Variants in SPOCK3 observed in about 807,000 individuals in gnomAD.
SPOCK3 encodes the protein testican-3.
Under a neutral mutation model 56.6 loss-of-function variants are expected in SPOCK3, and 30 were observed. The ratio of observed to expected loss-of-function variants is 0.53; its 90% CI spans 0.40 to 0.72. The LOEUF is 0.72. SPOCK3 is among the 30% of genes least tolerant of loss of function. The pLI is 0.00. For synonymous variants in SPOCK3, 196 were observed against 183.3 expected (o/e 1.07, Z -0.56); for missense variants, 527 against 530.0 (o/e 0.99, Z 0.06).
At chr4:166,974,935 G>T (rs1346378) in intron 4 of SPOCK3, among the ~76,000 whole-genome samples, 98,968 of 152,046 alleles carry the variant, frequency 0.65, 34,005 homozygotes, top group East Asian at 0.85. Context: ...TGAGGACTCT[G>T]CCCTCATAAA....
intron 3 of SPOCK3, among the ~76,000 whole-genome samples, chr4:167,002,834 T>C (rs531153375): frequency 6.6e-6 from 1 of 152,320 alleles, no homozygotes; most frequent in East Asian, 1.9e-4. Flanking sequence ...TTCTAATGTT[T>C]AGCCTATGTT....
intron 7 of SPOCK3, among the ~76,000 whole-genome samples, chr4:166,784,887 C>G (rs1276841510): frequency 6.6e-6 from 1 of 152,022 alleles, no homozygotes; most frequent in Non-Finnish European, 1.5e-5. Flanking sequence ...GCATATGATG[C>G]TAATGTCCTG....
intron 3 of SPOCK3, among the ~76,000 whole-genome samples, chr4:167,017,013 A>G (rs180882106): frequency 1.3e-5 from 2 of 152,244 alleles, no homozygotes; most frequent in Admixed American, 1.3e-4. Context: ...TAAAGACAAG[A>G]TTTGAAACAT....
chr4:166,911,080 G>T (rs1291884261), intron 5 of SPOCK3, among the ~76,000 whole-genome samples: 4 of 152,044 alleles, frequency 2.6e-5, no homozygotes, highest in African/African-American at 4.8e-5. Flanking sequence ...CAAAGCCAAG[G>T]CCCTACCTAT....
At chr4:166,780,310 G>C (rs1003106606) in intron 7 of SPOCK3, among the ~76,000 whole-genome samples, 1 of 152,104 alleles carries the variant, frequency 6.6e-6, no homozygotes, top group Non-Finnish European at 1.5e-5. Flanking sequence ...TAAAGGCTGA[G>C]TGTAGGCTAA....
chr4:166,943,784 C>A (rs1456837742), intron 4 of SPOCK3, among the ~76,000 whole-genome samples: 2 of 152,116 alleles, frequency 1.3e-5, no homozygotes, highest in South Asian at 2.1e-4. Flanking sequence ...TTAGATGTAA[C>A]TCTTCCACAT....
chr4:166,908,578 C>T (rs935148444), intron 5 of SPOCK3, among the ~76,000 whole-genome samples: 6 of 150,504 alleles, frequency 4.0e-5, no homozygotes, highest in African/African-American at 1.5e-4. Flanking sequence ...ATGAACAATA[C>T]TAATTTCTAA....
chr4:166,754,908 C>A lies in SPOCK3; in HGVS notation c.710-179G>T, dbSNP rs1736876428. Among the ~76,000 whole-genome samples the A allele has an allele frequency of 2.6e-5, 4 of 152,006 alleles. No homozygotes were observed. In the South Asian group the frequency reaches 8.3e-4, roughly 31 times the overall value. On this transcript the variant is annotated intron_variant, in intron 7 of 10. Coordinates refer to ENST00000357545, the MANE Select transcript of SPOCK3 (RefSeq NM_001040159.2). Reference sequence around the variant, plus strand: ...ATTGAAGTGGATATAGTAGTATCTACATTTCAGGATAGTTGTGAGAATTAA... The same window carrying A: ...ATTGAAGTGGATATAGTAGTATCTAAATTTCAGGATAGTTGTGAGAATTAA...
intron 6 of SPOCK3, among the ~76,000 whole-genome samples, chr4:166,817,095 G>A (rs981537536): frequency 1.3e-5 from 2 of 152,020 alleles, no homozygotes; most frequent in Admixed American, 6.6e-5. Context: ...ACAGCGACAG[G>A]AGCAGTCAGA....
chr4:166,783,262 G>A (rs1740370843), intron 7 of SPOCK3, among the ~76,000 whole-genome samples: 1 of 152,110 alleles, frequency 6.6e-6, no homozygotes, highest in Admixed American at 6.5e-5. Context: ...GGGAGGGTGA[G>A]GCAGGAGAAT....
At position 167,078,629 on chromosome 4, in the gene SPOCK3, G is replaced by GAAT. The variant is rs542873033; in HGVS notation, c.190-16095_190-16093dup. Among the ~76,000 whole-genome samples, 233 of 150,800 alleles carry GAAT rather than the reference G, an allele frequency of 1.5e-3. No homozygotes were observed. In the East Asian group the frequency reaches 0.019, roughly 12 times the overall value. On this transcript the variant is annotated intron_variant, in intron 2 of 10. Transcript: ENST00000357545. ...AGAGTTCAGGTATTAAGTTTTCTTTGAATAATAATAATAATAATAACCCAT... is the reference window on the plus strand; with the variant it reads ...AGAGTTCAGGTATTAAGTTTTCTTTGAATAATAATAATAATAATAATAACCCAT...
At chr4:166,929,226 A>G (rs1206038316) in intron 4 of SPOCK3, among the ~76,000 whole-genome samples, 3 of 152,202 alleles carry the variant, frequency 2.0e-5, no homozygotes, top group African/African-American at 7.2e-5. Flanking sequence ...TTTAAAACAC[A>G]TAGCAGAGGT....
At chr4:166,803,448 G>A (rs753412768) in intron 6 of SPOCK3, among the ~76,000 whole-genome samples, 4 of 152,170 alleles carry the variant, frequency 2.6e-5, no homozygotes, top group South Asian at 2.1e-4. Context: ...TCTGACAGCT[G>A]GTGGCATTTG....
chr4:167,156,007 TA>T (rs532306765), intron 2 of SPOCK3, among the ~76,000 whole-genome samples: 118 of 147,006 alleles, frequency 8.0e-4, no homozygotes, highest in African/African-American at 2.4e-3. Context: ...ATTTAAAAAG[TA>T]AAAAAAAAAG....
intron 8 of SPOCK3, among the ~76,000 whole-genome samples, chr4:166,752,485 A>G (rs1304126831): frequency 6.6e-6 from 1 of 151,352 alleles, no homozygotes; most frequent in Non-Finnish European, 1.5e-5. Flanking sequence ...ATAACCTCTC[A>G]TTCCATCCTA....
chr4:167,209,800 C>A (rs549669973), intron 2 of SPOCK3, among the ~76,000 whole-genome samples: 1 of 152,128 alleles, frequency 6.6e-6, no homozygotes, highest in African/African-American at 2.4e-5. Flanking sequence ...AATTTTTAAA[C>A]CTTAGTGAAT....
intron 6 of SPOCK3, among the ~76,000 whole-genome samples, chr4:166,855,419 T>C (rs188064151): frequency 1.1e-4 from 16 of 152,302 alleles, no homozygotes; most frequent in African/African-American, 3.6e-4. Context: ...TGATCTTTAT[T>C]GGTAACACAG....
intron 2 of SPOCK3, among the ~76,000 whole-genome samples, chr4:167,217,362 T>TTG (rs1554054851): frequency 1.1e-4 from 16 of 152,130 alleles, no homozygotes; most frequent in African/African-American, 2.9e-4. Flanking sequence ...GATGTTTTTT[T>TTG]TTGTTGTTTC....
At chr4:167,046,908 A>G (rs1172840920) in intron 3 of SPOCK3, among the ~76,000 whole-genome samples, 4 of 152,138 alleles carry the variant, frequency 2.6e-5, no homozygotes, top group African/African-American at 9.7e-5. Flanking sequence ...AGAAGCAAAG[A>G]CTCAGAAACA....
Sources: gnomAD v4.1 joint callset for allele counts (sites outside exome capture counted in the v4.1 genomes callset) on GRCh38, gnomAD v4.1.1 for gene constraint, MANE v1.5 for transcripts, NCBI Gene and HGNC (gene_info 2026-07-23, HGNC 2026-07-21) for gene names.